Variants in SI observed in about 807,000 individuals in gnomAD.
SI encodes the protein sucrase-isomaltase.
Under a neutral mutation model 253.3 loss-of-function variants are expected in SI, and 235 were observed. That is an observed-to-expected ratio of 0.93 (90% CI 0.83 to 1.03). The LOEUF is 1.03. Ranked by LOEUF, SI falls within the 50% of genes least tolerant of loss-of-function variation. The pLI is 0.00. For synonymous variants in SI, 819 were observed against 712.0 expected, an observed-to-expected ratio of 1.15 and a Z score of -2.39; for missense variants, 2,442 against 2,211.1, an observed-to-expected ratio of 1.10 and a Z score of -2.09.
chr3:165,054,536 G>A (rs1254625915), intron 13 of SI, among the ~76,000 whole-genome samples: 1 of 151,970 alleles, frequency 6.6e-6, no homozygotes, highest in African/African-American at 2.4e-5. Flanking sequence ...TGTATTTTTA[G>A]TAGAGACGGG....
intron 47 of SI, 123 bp downstream of exon 47, chr3:164,982,120 G>T: frequency 1.4e-6 from 1 of 704,880 alleles, no homozygotes; most frequent in Non-Finnish European, 2.4e-6. Context: ...TAATGAAAAG[G>T]AATATATGAA....
intron 25 of SI, among the ~76,000 whole-genome samples, chr3:165,028,188 T>C (rs957876380): frequency 7.9e-5 from 12 of 151,034 alleles, no homozygotes; most frequent in Admixed American, 7.3e-4. Flanking sequence ...TCTTTTACAA[T>C]AGCTGCAGAA....
chr3:165,050,559 C>A (rs1045602237), intron 13 of SI, among the ~76,000 whole-genome samples: 1 of 152,014 alleles, frequency 6.6e-6, no homozygotes, highest in Non-Finnish European at 1.5e-5. Flanking sequence ...GACCATAACC[C>A]AGTTAAGTCT....
intron 22 of SI, among the ~76,000 whole-genome samples, chr3:165,034,430 A>G (rs1372163499): frequency 6.6e-6 from 1 of 151,960 alleles, no homozygotes; most frequent in Admixed American, 6.6e-5. Flanking sequence ...CATGCTATCA[A>G]TGGAGGTATT....
chr3:165,059,125 C>CGT, intron 11 of SI, 43 bp from the exon 12 acceptor site: 1 of 1,610,538 alleles, frequency 6.2e-7, no homozygotes, highest in Non-Finnish European at 8.5e-7. Context: ...TTAACTTACA[C>CGT]GTGTAAACAC....
chr3:165,048,153 AC>A (rs950842266), intron 15 of SI, among the ~76,000 whole-genome samples: 1 of 152,104 alleles, frequency 6.6e-6, no homozygotes, highest in African/African-American at 2.4e-5. Flanking sequence ...CCATAAAAAT[AC>A]AAATTTGAAT....
chr3:165,042,099 CA>C (rs1408566960), intron 17 of SI, among the ~76,000 whole-genome samples: 1 of 152,010 alleles, frequency 6.6e-6, no homozygotes, highest in Non-Finnish European at 1.5e-5. Flanking sequence ...TTGTCATTCA[CA>C]TTATTTCACC....
Position 165,006,932 on chromosome 3 carries a change from T to C in SI, c.4290A>G (p.Gly1430=). Residue 1430 remains glycine (G), a synonymous_variant, in exon 37 of 48, where the codon GGA becomes GGG. Transcript: ENST00000264382. ...YFPELTKRTD[G]LHFRTICMEA... Reference sequence around the variant, plus strand: ...CCATGCAAATTGTTCTGAAATGTAATCCATCAGTTCTTTTTGTGAGTTCTG... The same window carrying C: ...CCATGCAAATTGTTCTGAAATGTAACCCATCAGTTCTTTTTGTGAGTTCTG... The C allele has an allele frequency of 6.2e-7, 1 of 1,611,016 alleles. No individual in the cohort carries two copies. The highest frequency in any genetic ancestry group is 8.5e-7 in the Non-Finnish European group (1 of 1,177,658).
At chr3:164,983,782 A>G (rs1409481865) in intron 45 of SI, among the ~76,000 whole-genome samples, 2 of 151,796 alleles carry the variant, frequency 1.3e-5, no homozygotes, top group Non-Finnish European at 2.9e-5. Flanking sequence ...TTGTAGAGGC[A>G]GGTTCTCCCT....
intron 20 of SI, among the ~76,000 whole-genome samples, chr3:165,038,541 C>T (rs1035159409): frequency 2.3e-5 from 3 of 131,544 alleles, no homozygotes; most frequent in African/African-American, 8.2e-5. Context: ...AACCCCATCT[C>T]TACTAAAAAA....
chr3:165,064,977 C>A (rs1714165353), intron 7 of SI, among the ~76,000 whole-genome samples: 1 of 151,806 alleles, frequency 6.6e-6, no homozygotes, highest in Non-Finnish European at 1.5e-5. Flanking sequence ...GATATAAGTA[C>A]AAGGTGAGTG....
chr3:165,080,143 C>T (rs1179911387), upstream of SI, among the ~76,000 whole-genome samples: 5 of 151,984 alleles, frequency 3.3e-5, no homozygotes, highest in Admixed American at 2.0e-4. Flanking sequence ...TTATAAACTA[C>T]TGATTTATGC....
chr3:165,007,239 T>A (rs1718557503), intron 36 of SI, among the ~76,000 whole-genome samples: 3 of 152,114 alleles, frequency 2.0e-5, no homozygotes, highest in Admixed American at 1.3e-4. Flanking sequence ...AGAGTTTTAT[T>A]AAAAATTCAC....
rs1402929137 is a variant in SI, at chr3:165,039,222, G to A, written c.2245-88C>T. The A allele has an allele frequency of 5.2e-5, 44 of 845,628 alleles. No individual in the cohort carries two copies. In the East Asian group the frequency reaches 6.5e-4, roughly 12 times the overall value. 52.4% of individuals were successfully genotyped at this position (845,628 alleles called of 1,614,324 possible). A position where few individuals can be genotyped will look rare whatever the true frequency, so the allele number is the denominator to read the frequency against. ...ATTAAGTTGGGTTTTCATAGTCAAG[G>A]GAAAAAAACTTTATGTTGTTACACT... On this transcript the variant is annotated intron_variant, in intron 19 of 47. Coordinates refer to ENST00000264382, the MANE Select transcript of SI (RefSeq NM_001041.4).
At chr3:164,991,080 A>G (rs1717711208) in intron 44 of SI, among the ~76,000 whole-genome samples, 1 of 152,006 alleles carries the variant, frequency 6.6e-6, no homozygotes, top group Non-Finnish European at 1.5e-5. Flanking sequence ...TGTGACACAG[A>G]CCTCCTACAT....
chr3:165,064,163 T>C (rs891977274), intron 7 of SI, among the ~76,000 whole-genome samples: 4 of 152,042 alleles, frequency 2.6e-5, no homozygotes, highest in African/African-American at 9.7e-5. Flanking sequence ...GGCCCATGTA[T>C]GCCCAAGGTA....
At chr3:165,088,500 A>C in the SI span, among the ~76,000 whole-genome samples, 1 of 151,506 alleles carries the variant, frequency 6.6e-6, no homozygotes, top group Non-Finnish European at 1.5e-5. Context: ...AAAATTAGCT[A>C]GGCAGTGGTG....
Position 165,017,778 on chromosome 3 carries a change from T to C in SI, c.3616A>G (p.Thr1206Ala), listed in dbSNP as rs763245932. The change falls in exon 30 of 48, where the codon ACA (threonine) becomes GCA (alanine). Residue 1206 changes from threonine (T) to alanine (A), a missense_variant. Physicochemically the swap from Thr to Ala is moderately conservative, Grantham distance 58 (BLOSUM62 0). Coordinates refer to ENST00000264382, the MANE Select transcript of SI (RefSeq NM_001041.4). The stretch of plus-strand genomic sequence containing the variant: ...AATCATACTTCATGGTATTGCTTTG[T>C]TGCAACTTCTGGAGTTGGGCCCAAA... ...MFLGPTPEVATKQYHEVIGHP... is the reference protein window; with the variant it reads ...MFLGPTPEVAAKQYHEVIGHP... 2.4e-5 allele frequency: 39 copies of C among 1,612,524 alleles called. No homozygotes were observed. The highest frequency in any genetic ancestry group is 2.9e-5 in the Non-Finnish European group (34 of 1,178,998).
chr3:165,008,462 C>A (rs1718620233), intron 35 of SI, among the ~76,000 whole-genome samples: 1 of 151,882 alleles, frequency 6.6e-6, no homozygotes, highest in East Asian at 1.9e-4. Context: ...GAATCATGAT[C>A]TAAATAAATA....
Sources: allele counts gnomAD v4.1 joint callset (sites outside exome capture counted in the v4.1 genomes callset), GRCh38; gene constraint gnomAD v4.1.1; transcripts MANE v1.5; gene names NCBI Gene and HGNC (gene_info 2026-07-23, HGNC 2026-07-21).